Variants in SPPL3 observed in about 807,000 individuals in gnomAD.
SPPL3 encodes signal peptide peptidase-like 3.
Under a neutral mutation model 42.4 loss-of-function variants are expected in SPPL3, and 5 were observed. That is an observed-to-expected ratio of 0.12 (90% CI 0.06 to 0.25). The LOEUF (loss-of-function observed/expected upper bound fraction) is 0.25. Ranked by LOEUF, SPPL3 falls within the 10% of genes least tolerant of loss-of-function variation. The pLI is 1.00. For synonymous variants in SPPL3, 195 were observed against 181.8 expected (o/e 1.07, Z -0.58); for missense variants, 235 against 489.0 (o/e 0.48, Z 4.90).
chr12:120,833,667 CAAAAAAAAAAAAAGAA>C (rs758227620), intron 1 of SPPL3, among the ~76,000 whole-genome samples: 9 of 95,562 alleles, frequency 9.4e-5, no homozygotes, highest in Admixed American at 2.9e-4. Context: ...TCCATCTCTC[CAAAAAAAAAAAAAGAA>C]AAAAAAAAAA....
At chr12:120,884,806 G>T (rs77427526) in intron 1 of SPPL3, among the ~76,000 whole-genome samples, 21,754 of 79,748 alleles carry the variant, frequency 0.27, 1,915 homozygotes, top group East Asian at 0.5. Flanking sequence ...TTTTTTTTTT[G>T]GGTTTTTTTT....
intron 1 of SPPL3, among the ~76,000 whole-genome samples, chr12:120,837,495 T>C (rs899259327): frequency 1.3e-5 from 2 of 152,236 alleles, no homozygotes; most frequent in Non-Finnish European, 2.9e-5. Context: ...TGAATCCAAA[T>C]TGGTATTTAG....
intron 1 of SPPL3, among the ~76,000 whole-genome samples, chr12:120,856,616 A>G (rs918328376): frequency 1.3e-5 from 2 of 149,668 alleles, no homozygotes; most frequent in African/African-American, 4.9e-5. Flanking sequence ...TTCAGGGCAT[A>G]GTTGGTTTGA....
In SPPL3 at chr12:120,791,342, T is replaced by C. The variant is rs1592964120; in HGVS notation, c.190+127A>G. 5 of 603,206 alleles carry C rather than the reference T, an allele frequency of 8.3e-6. 1 individual carries two copies. In the Admixed American group the frequency reaches 1.8e-4, roughly 22 times the overall value. The allele number at this position is 603,206 out of a possible 1,614,324, so 37.4% of individuals were successfully genotyped here. ...TACCGTAAAATTCACTCATTTTAAG[T>C]ATAATTCAATGTTTTTTTATACCAA... On this transcript the variant is annotated intron_variant, in intron 3 of 10. Transcript: ENST00000353487.
chr12:120,879,113 CAAAAAAAAA>C (rs63543261), intron 1 of SPPL3, among the ~76,000 whole-genome samples: 6 of 65,142 alleles, frequency 9.2e-5, no homozygotes, highest in Non-Finnish European at 1.9e-4. Context: ...AACTCTGTCT[CAAAAAAAAA>C]AAAAAAAAAA....
At position 120,773,500 on chromosome 12, in the gene SPPL3, T is replaced by C. The variant is rs549610162; in HGVS notation, c.503-4441A>G. ...CTGCGGGGAGTGAGGGTCAGAGGAC[T>C]GAATGATGCAGCTCACCAGTAACCA... On this transcript the variant is annotated intron_variant, in intron 6 of 10. Transcript: ENST00000353487. Among the ~76,000 whole-genome samples, 5 of 152,104 alleles carry C rather than the reference T, an allele frequency of 3.3e-5. No homozygotes were observed. The East Asian group carries it at 7.7e-4, about 23-fold the overall frequency.
rs552711229 is a variant in SPPL3 at position 120,838,315 on chromosome 12, T to A, written c.24-27429A>T. Among the ~76,000 whole-genome samples, 4 of 152,320 alleles carry A rather than the reference T, an allele frequency of 2.6e-5. No individual in the cohort carries two copies. In the East Asian group the frequency reaches 7.7e-4, roughly 29 times the overall value. ...GGTGTGACTCTGTAGTAGACCCTTG[T>A]TGGATACTTCTCCAGCATACTTTCT... On this transcript the variant is annotated intron_variant, in intron 1 of 10. Coordinates refer to ENST00000353487, the MANE Select transcript of SPPL3 (RefSeq NM_139015.5).
At chr12:120,781,770 G>T (rs757023224) in intron 6 of SPPL3, among the ~76,000 whole-genome samples, 1 of 149,830 alleles carries the variant, frequency 6.7e-6, no homozygotes, top group Non-Finnish European at 1.5e-5. Flanking sequence ...TAGTAGAGAC[G>T]GGGTCTCACC....
chr12:120,820,355 G>C (rs554835766), intron 1 of SPPL3, among the ~76,000 whole-genome samples: 7 of 121,828 alleles, frequency 5.7e-5, no homozygotes, highest in Non-Finnish European at 9.4e-5. Flanking sequence ...TCGCTCTGTC[G>C]CCCAGGCTGG....
In SPPL3 at chr12:120,888,742, G is replaced by C. The variant is rs1200206880; in HGVS notation, c.23+15103C>G. On this transcript the variant is annotated intron_variant, in intron 1 of 10. Transcript: ENST00000353487. ...ATTGTGGTGACGACTGCCCAACTCT[G>C]TAGATATAATAAAAACTACTTAATT... Among the ~76,000 whole-genome samples, 4 of 152,290 alleles carry C rather than the reference G, an allele frequency of 2.6e-5. No individual in the cohort carries two copies. The East Asian group carries it at 7.7e-4, about 29-fold the overall frequency.
At chr12:120,772,500 C>G (rs560672010) in intron 6 of SPPL3, among the ~76,000 whole-genome samples, 7 of 152,182 alleles carry the variant, frequency 4.6e-5, no homozygotes, top group African/African-American at 1.4e-4. Context: ...TAGCACTTGA[C>G]AGAGTAGACA....
chr12:120,867,672 A>G (rs1872795722), intron 1 of SPPL3, among the ~76,000 whole-genome samples: 1 of 151,430 alleles, frequency 6.6e-6, no homozygotes, highest in Non-Finnish European at 1.5e-5. Context: ...ATATATATAT[A>G]TACATACTTA....
intron 1 of SPPL3, among the ~76,000 whole-genome samples, chr12:120,822,071 A>AGGAGC (rs1404370194): frequency 6.6e-6 from 1 of 152,218 alleles, no homozygotes; most frequent in Non-Finnish European, 1.5e-5. Flanking sequence ...AGAAAGCAGA[A>AGGAGC]TAGCGGATAC....
At chr12:120,898,206 A>G (rs1016948119) in intron 1 of SPPL3, among the ~76,000 whole-genome samples, 1 of 150,084 alleles carries the variant, frequency 6.7e-6, no homozygotes, top group Non-Finnish European at 1.5e-5. Flanking sequence ...CAGGAGACTG[A>G]GACACGAGAA....
At chr12:120,790,501 C>CTA (rs1869878291) in intron 3 of SPPL3, among the ~76,000 whole-genome samples, 1 of 152,208 alleles carries the variant, frequency 6.6e-6, no homozygotes, top group African/African-American at 2.4e-5. Flanking sequence ...GGCGACCTTA[C>CTA]CCTGTTCTAT....
rs201339195 is a variant in SPPL3 at position 120,872,562 on chromosome 12, C to CAGT, written c.23+31280_23+31282dup. Among the ~76,000 whole-genome samples, 1,152 of 152,212 alleles carry CAGT rather than the reference C, an allele frequency of 7.6e-3. 10 individuals carry two copies. The highest frequency in any genetic ancestry group is 0.026 in the African/African-American group (1,096 of 41,530). ...TGAGGCAGCCAGAATTTGCAGGACC[C>CAGT]AGTACTGGAGAAGCGGGGGCTGCAT... On this transcript the variant is annotated intron_variant, in intron 1 of 10. Coordinates refer to ENST00000353487, the MANE Select transcript of SPPL3 (RefSeq NM_139015.5).
At chr12:120,791,046 C>T (rs1869897763) in intron 3 of SPPL3, among the ~76,000 whole-genome samples, 1 of 151,964 alleles carries the variant, frequency 6.6e-6, no homozygotes, top group Non-Finnish European at 1.5e-5. Context: ...TCTTGAACTC[C>T]CAACCTCAAG....
intron 1 of SPPL3, among the ~76,000 whole-genome samples, chr12:120,873,186 C>T (rs1362457491): frequency 2.0e-5 from 3 of 152,206 alleles, no homozygotes; most frequent in South Asian, 2.1e-4. Flanking sequence ...AACACATTGG[C>T]TGAGAGTAAC....
At chr12:120,880,212 T>C (rs541813749) in intron 1 of SPPL3, among the ~76,000 whole-genome samples, 1 of 152,024 alleles carries the variant, frequency 6.6e-6, no homozygotes, top group Non-Finnish European at 1.5e-5. Context: ...ACTACTATCC[T>C]ATTAAAAATG....
Sources: allele counts gnomAD v4.1 joint callset (sites outside exome capture counted in the v4.1 genomes callset), GRCh38; gene constraint gnomAD v4.1.1; transcripts MANE v1.5; gene names NCBI Gene and HGNC (gene_info 2026-07-23, HGNC 2026-07-21).